Variants in STX16 observed in about 807,000 individuals in gnomAD.
STX16 encodes syntaxin 16, also known as syntaxin-16.
In STX16, 28 loss-of-function variants were observed where a neutral mutation model predicts 42.7. The ratio of observed to expected loss-of-function variants is 0.66; its 90% confidence interval spans 0.49 to 0.90. The LOEUF is 0.90. STX16 is among the 40% of genes least tolerant of loss of function. The probability of loss-of-function intolerance (pLI) is 0.00; values close to 1 mark genes in which losing one functional copy is unlikely to be tolerated. For missense variants in STX16, 361 were observed against 420.9 expected, an observed-to-expected ratio of 0.86 and a Z score of 1.24; for synonymous variants, 156 against 155.2, an observed-to-expected ratio of 1.00 and a Z score of -0.04.
At position 58,678,639 on chromosome 20, in the gene STX16, C is replaced by CAAA. The variant is rs10695175; in HGVS notation, c.*2364_*2366dup. On this transcript the variant is annotated 3_prime_UTR_variant, in exon 9 of 9. Transcript: ENST00000371141. ...TGGGTGACAGAGCGAGGCTCCGTCTCAAAAAAAAAAAAAAAAAATTGTTTT... is the reference window on the plus strand; with the variant it reads ...TGGGTGACAGAGCGAGGCTCCGTCTCAAAAAAAAAAAAAAAAAAAAATTGTTTT... The CAAA allele has an allele frequency of 0.55, 68,341 of 123,548 alleles. 18,350 individuals are homozygous for CAAA. The highest frequency in any genetic ancestry group is 0.62 in the Non-Finnish European group (36,816 of 59,482). The allele number at this position is 123,548 out of a possible 1,614,324, so 7.7% of individuals were successfully genotyped here. A position where few individuals can be genotyped will look rare whatever the true frequency, so the allele number is the denominator to read the frequency against.
At chr20:58,671,404 CAT>C (rs1286703172) in intron 7 of STX16, 107 bp downstream of exon 7, 5 of 1,019,866 alleles carry the variant, frequency 4.9e-6, no homozygotes, top group East Asian at 2.5e-5. Flanking sequence ...ATTTTCCCAA[CAT>C]GTGTGTGCAC....
Position 58,671,205 on chromosome 20 carries a change from G to T in STX16, c.700G>T (p.Glu234Ter). 1 of 1,614,160 alleles carries T rather than the reference G, an allele frequency of 6.2e-7. No individual in the cohort carries two copies. Among genetic ancestry groups the T allele is most frequent in the Non-Finnish European group, 8.5e-7 (1 of 1,180,024 alleles). ...GGTGGAGCAGAACACACTGATGGTG[G>T]AAGAGCGGGAACGAGAGATTCGCCA... ...VLVEQNTLMV[E>*]EREREIRQIV... Residue 234 changes from glutamate (E) to a stop codon, truncating the protein, a stop_gained, in exon 7 of 9, where the codon GAA becomes TAA. Transcript: ENST00000371141. LOFTEE classifies it high-confidence loss of function.
rs1051073231 is a variant in STX16, at chr20:58,657,148, A to G, written c.133-2475A>G. ...ATTTTTTTTCTTGCAATAGGCTAGC[A>G]TCTTTCTTTATCTCACTTTATGAAC... On this transcript the variant is annotated intron_variant, in intron 1 of 8. Coordinates refer to ENST00000371141, the MANE Select transcript of STX16 (RefSeq NM_001001433.3). The surrounding 1 kb of genome is among the most constrained non-coding windows in gnomAD (Gnocchi z 4.2). Among the ~76,000 whole-genome samples, 7 of 152,220 alleles carry G rather than the reference A, an allele frequency of 4.6e-5. No individual in the cohort carries two copies. Among genetic ancestry groups the G allele is most frequent in the African/African-American group, 1.4e-4 (6 of 41,444 alleles).
intron 8 of STX16, among the ~76,000 whole-genome samples, chr20:58,674,753 C>A (rs1304619872): frequency 6.6e-6 from 1 of 152,138 alleles, no homozygotes; most frequent in Non-Finnish European, 1.5e-5. Flanking sequence ...AATTTGGTTG[C>A]CAAGCCCTGT....
rs1601068443 is a variant in STX16 at position 58,678,433 on chromosome 20, T to C, written c.*2142T>C. 6.6e-6 allele frequency: 1 copy of C among 151,798 alleles called. No individual in the cohort carries two copies. Among genetic ancestry groups the C allele is most frequent in the African/African-American group, 2.4e-5 (1 of 41,280 alleles). The allele number at this position is 151,798 out of a possible 1,614,324, so 9.4% of individuals were successfully genotyped here. On this transcript the variant is annotated 3_prime_UTR_variant, in exon 9 of 9. Coordinates refer to ENST00000371141, the MANE Select transcript of STX16 (RefSeq NM_001001433.3). ...TTGAGAGGCCAAGGCGGTCACGAGG[T>C]CAGGAGTTCGAGACCAGCCTAGCCA...
intron 6 of STX16, 99 bp from the exon 7 acceptor site, chr20:58,671,055 A>G: frequency 8.3e-7 from 1 of 1,207,848 alleles, no homozygotes; most frequent in South Asian, 2.0e-5. Flanking sequence ...TTTTCTTTAA[A>G]TTATTTTCAT....
chr20:58,674,235 A>G (rs2084049556), intron 8 of STX16, among the ~76,000 whole-genome samples: 1 of 152,174 alleles, frequency 6.6e-6, no homozygotes, highest in African/African-American at 2.4e-5. Flanking sequence ...TTGAAGTGAG[A>G]GTAGTAATTC....
At chr20:58,665,855 G>A (rs1261913209) in intron 2 of STX16, among the ~76,000 whole-genome samples, 2 of 152,142 alleles carry the variant, frequency 1.3e-5, no homozygotes, top group African/African-American at 2.4e-5. Flanking sequence ...CCTAAGATGC[G>A]TTCCCTGAGT....
chr20:58,676,152 A>G (rs760105252), intron 8 of STX16, 35 bp from the exon 9 acceptor site: 6 of 1,587,362 alleles, frequency 3.8e-6, no homozygotes, highest in East Asian at 2.2e-5. Context: ...GATTTTGGGG[A>G]AAATGACGGC....
chr20:58,652,235 G>T (rs1736867828), intron 1 of STX16, 97 bp downstream of exon 1: 1 of 1,508,020 alleles, frequency 6.6e-7, no homozygotes. Context: ...AAAAAGAGAA[G>T]ATAAGAATAA....
intron 8 of STX16, among the ~76,000 whole-genome samples, chr20:58,675,738 C>T (rs1480725960): frequency 3.3e-5 from 5 of 152,214 alleles, no homozygotes. Flanking sequence ...TGTCTGTTGC[C>T]TACCTGCCAG....
intron 1 of STX16, 56 bp from the exon 2 acceptor site, chr20:58,659,567 T>C (rs550915610): frequency 6.3e-7 from 1 of 1,591,290 alleles, no homozygotes; most frequent in East Asian, 2.3e-5. Flanking sequence ...CCCATGCTGC[T>C]TTCTTTGTGC....
chr20:58,669,505 ATGT>A (rs1568825512), intron 5 of STX16, 52 bp downstream of exon 5: 3 of 1,551,714 alleles, frequency 1.9e-6, no homozygotes, highest in Non-Finnish European at 2.6e-6. Context: ...AAAGCACTTT[ATGT>A]TTTCTTTTTT....
In STX16 at chr20:58,651,965, TG is replaced by T; in HGVS notation, c.-39del. The T allele has an allele frequency of 6.2e-7, 1 of 1,606,288 alleles. No individual in the cohort carries two copies. Among genetic ancestry groups the T allele is most frequent in the Non-Finnish European group, 8.5e-7 (1 of 1,173,764 alleles). On this transcript the variant is annotated 5_prime_UTR_variant, in exon 1 of 9. Coordinates refer to ENST00000371141, the MANE Select transcript of STX16 (RefSeq NM_001001433.3). ...AAAGTGAATAAATCAGGAATATAAG[TG>T]GGCGGGGGGCCCCTGAGAGGGGGGT... is the stretch of plus-strand genomic sequence containing the variant.
At chr20:58,660,350 G>A in intron 2 of STX16, among the ~76,000 whole-genome samples, 1 of 152,318 alleles carries the variant, frequency 6.6e-6, no homozygotes, top group East Asian at 1.9e-4. Context: ...CCTGAGTATA[G>A]ACCTTTTAAG....
chr20:58,670,673 C>A (rs2083946961), intron 6 of STX16, 70 bp downstream of exon 6: 1 of 1,273,198 alleles, frequency 7.9e-7, no homozygotes, highest in African/African-American at 1.5e-5. Context: ...ACCTCCTAGA[C>A]CTCGATCTTC....
rs2083878229 is a variant in STX16 at position 58,668,039 on chromosome 20, T to C, written c.305T>C (p.Leu102Pro). ...CAGAAGATGAAAGAATTGGCCAGCCTTCATGACAAGCATTTAAACAGACCC... is the reference window on the plus strand; with the variant it reads ...CAGAAGATGAAAGAATTGGCCAGCCCTCATGACAAGCATTTAAACAGACCC... ...IKQKMKELAS[L>P]HDKHLNRPTL... Residue 102 changes from leucine to proline, a missense_variant, in exon 4 of 9, where the codon CTT becomes CCT. Leu to Pro is a moderately conservative substitution (Grantham distance 98). Transcript: ENST00000371141. 1.2e-6 allele frequency: 2 copies of C among 1,614,212 alleles called. No homozygotes were observed. Among genetic ancestry groups the C allele is most frequent in the Non-Finnish European group, 1.7e-6 (2 of 1,180,042 alleles).
intron 2 of STX16, among the ~76,000 whole-genome samples, chr20:58,663,645 T>G (rs1247928563): frequency 6.6e-6 from 1 of 152,184 alleles, no homozygotes; most frequent in East Asian, 1.9e-4. Context: ...TATGGATTTT[T>G]TTTTTTTTAC....
chr20:58,662,571 C>T (rs189538128), intron 2 of STX16, among the ~76,000 whole-genome samples: 9 of 152,260 alleles, frequency 5.9e-5, no homozygotes, highest in East Asian at 5.8e-4. Context: ...AGTGCAGTGG[C>T]GCGATCTCGG....
Sources: allele counts gnomAD v4.1 joint callset (sites outside exome capture counted in the v4.1 genomes callset), GRCh38; gene constraint gnomAD v4.1.1; non-coding constraint Gnocchi (gnomAD v3.1); transcripts MANE v1.5; gene names NCBI Gene and HGNC (gene_info 2026-07-23, HGNC 2026-07-21).